NELL1: variants seen among roughly 807,000 people sequenced by gnomAD.
NELL1 encodes the protein neural EGFL like 1.
NELL1 carries 76 observed loss-of-function variants against 107.4 expected under a neutral mutation model. The observed-to-expected ratio is 0.71, with a 90% CI of 0.59 to 0.86. The LOEUF (loss-of-function observed/expected upper bound fraction) is 0.86. Among genes scored for constraint, NELL1 ranks in the 40% least tolerant of loss-of-function variants. NELL1 has a pLI of 0.00. For synonymous variants in NELL1, 353 were observed against 341.2 expected (o/e 1.03, Z -0.38); for missense variants, 1,024 against 1,005.5 (o/e 1.02, Z -0.25).
chr11:21,517,299 G>A lies in NELL1; in HGVS notation c.1646-17075G>A, dbSNP rs184628994. On this transcript the variant is annotated intron_variant, in intron 15 of 19. Coordinates refer to ENST00000357134, the MANE Select transcript of NELL1 (RefSeq NM_006157.5). ...TTTTATGTGTCCTGCCCTGCACAGC[G>A]TTGGTCTAAATGACATTTTCAAACA... is the stretch of plus-strand genomic sequence containing the variant. Among the ~76,000 whole-genome samples the A allele has an allele frequency of 2.6e-3, 393 of 152,222 alleles. 2 individuals are homozygous for A. The highest frequency in any genetic ancestry group is 4.0e-3 in the Non-Finnish European group (274 of 68,016).
intron 18 of NELL1, among the ~76,000 whole-genome samples, chr11:21,572,939 C>T (rs1028183623): frequency 6.6e-6 from 1 of 151,822 alleles, no homozygotes; most frequent in Non-Finnish European, 1.5e-5. Context: ...ATAGGCTGTG[C>T]TTGGCACACA....
chr11:20,879,563 A>G (rs558484267), intron 4 of NELL1, among the ~76,000 whole-genome samples: 2 of 152,150 alleles, frequency 1.3e-5, no homozygotes, highest in East Asian at 3.9e-4. Flanking sequence ...TTACTCAGAA[A>G]AGCTAACTGA....
chr11:21,475,476 G>C lies in NELL1; in HGVS notation c.1646-58898G>C, dbSNP rs1372677678. ...CCTGTAGGCATCATTGTCAGGACTG[G>C]CCATGTGACTTGCTCTGGCCAATCC... On this transcript the variant is annotated intron_variant, in intron 15 of 19. Coordinates refer to ENST00000357134, the MANE Select transcript of NELL1 (RefSeq NM_006157.5). Among the ~76,000 whole-genome samples, 3 of 152,090 alleles carry C rather than the reference G, an allele frequency of 2.0e-5. No homozygotes were observed. The East Asian group carries it at 5.8e-4, about 29-fold the overall frequency.
intron 3 of NELL1, among the ~76,000 whole-genome samples, chr11:20,791,943 T>C (rs1163599599): frequency 6.6e-6 from 1 of 152,118 alleles, no homozygotes; most frequent in Non-Finnish European, 1.5e-5. Context: ...TATACCAAAC[T>C]TGCATTCCTG....
intron 3 of NELL1, among the ~76,000 whole-genome samples, chr11:20,786,306 C>T (rs1348514214): frequency 3.3e-5 from 5 of 149,624 alleles, no homozygotes; most frequent in Non-Finnish European, 7.4e-5. Flanking sequence ...GCCAAGATTG[C>T]ACCATCGCAC....
chr11:20,897,487 C>T (rs570326172), intron 5 of NELL1, among the ~76,000 whole-genome samples: 1 of 152,272 alleles, frequency 6.6e-6, no homozygotes, highest in Admixed American at 6.5e-5. Flanking sequence ...CAATACCATT[C>T]AGGAAGGACA....
At chr11:21,169,775 T>G in intron 13 of NELL1, 2 of 1,267,660 alleles carry the variant, frequency 1.6e-6, no homozygotes, top group Non-Finnish European at 1.1e-6. Flanking sequence ...GGCGGTGGAG[T>G]CCCTCCTGCC....
intron 12 of NELL1, among the ~76,000 whole-genome samples, chr11:21,087,104 G>T (rs946118777): frequency 1.3e-5 from 2 of 152,150 alleles, no homozygotes; most frequent in Admixed American, 1.3e-4. Context: ...CGCCCAAAGT[G>T]CTGGGATTAC....
intron 13 of NELL1, among the ~76,000 whole-genome samples, chr11:21,148,544 T>C (rs1206910572): frequency 1.3e-5 from 2 of 152,346 alleles, no homozygotes; most frequent in South Asian, 2.1e-4. Flanking sequence ...ACAGGGTTTA[T>C]GAGCCTTACT....
At chr11:20,900,467 G>A (rs1423967202) in intron 5 of NELL1, among the ~76,000 whole-genome samples, 1 of 152,086 alleles carries the variant, frequency 6.6e-6, no homozygotes, top group Non-Finnish European at 1.5e-5. Flanking sequence ...GGATCATTCT[G>A]GCAGTCTACC....
At chr11:20,885,577 T>C (rs767919199) in intron 5 of NELL1, 37 bp downstream of exon 5, 2 of 1,210,434 alleles carry the variant, frequency 1.7e-6, no homozygotes, top group South Asian at 1.2e-5. Context: ...AGTATATATA[T>C]AGGCGATGCT....
At chr11:20,722,726 G>C (rs1855420017) in intron 2 of NELL1, among the ~76,000 whole-genome samples, 1 of 152,142 alleles carries the variant, frequency 6.6e-6, no homozygotes, top group South Asian at 2.1e-4. Flanking sequence ...AGCAGAGAAG[G>C]AGGGAGAACA....
At chr11:21,526,242 A>G (rs1297969484) in intron 15 of NELL1, among the ~76,000 whole-genome samples, 2 of 152,218 alleles carry the variant, frequency 1.3e-5, no homozygotes, top group East Asian at 3.9e-4. Context: ...AAGGTCCAAA[A>G]TAATCTCCTT....
At chr11:21,179,862 CTTTTTTTT>C (rs1164420669) in intron 13 of NELL1, among the ~76,000 whole-genome samples, 3,270 of 75,720 alleles carry the variant, frequency 0.043, 47 homozygotes, top group Admixed American at 0.12. Context: ...AATCAACACA[CTTTTTTTT>C]TTTTTTTTTT....
chr11:21,220,583 T>A (rs879452636), intron 13 of NELL1, among the ~76,000 whole-genome samples: 1 of 152,186 alleles, frequency 6.6e-6, no homozygotes, highest in Non-Finnish European at 1.5e-5. Context: ...TATAGAGATC[T>A]CTCACCTCCT....
At chr11:21,009,195 T>C (rs1852394208) in intron 12 of NELL1, among the ~76,000 whole-genome samples, 1 of 152,170 alleles carries the variant, frequency 6.6e-6, no homozygotes, top group African/African-American at 2.4e-5. Flanking sequence ...GGAACATTAA[T>C]TCACCTGATT....
intron 5 of NELL1, among the ~76,000 whole-genome samples, chr11:20,897,052 G>GA (rs1277768415): frequency 1.2e-4 from 19 of 152,040 alleles, no homozygotes; most frequent in African/African-American, 4.1e-4. Flanking sequence ...CACAGAATTG[G>GA]AAAAAACTAC....
intron 2 of NELL1, among the ~76,000 whole-genome samples, chr11:20,751,757 T>C (rs1315913835): frequency 2.6e-5 from 4 of 152,254 alleles, no homozygotes; most frequent in Non-Finnish European, 5.9e-5. Flanking sequence ...TCTGAGTCAT[T>C]GGGATTACAG....
intron 12 of NELL1, among the ~76,000 whole-genome samples, chr11:20,992,709 ATTTTTTT>A (rs56048576): frequency 2.5e-3 from 287 of 114,502 alleles, no homozygotes; most frequent in African/African-American, 6.6e-3. Flanking sequence ...CAAAAGTGGC[ATTTTTTT>A]TTTTTTTTTT....
Sources: gnomAD v4.1 joint callset for allele counts (sites outside exome capture counted in the v4.1 genomes callset) on GRCh38, gnomAD v4.1.1 for gene constraint, MANE v1.5 for transcripts, NCBI Gene and HGNC (gene_info 2026-07-23, HGNC 2026-07-21) for gene names.